The following ACSS3 variants were observed in gnomAD, a reference collection of about 807,000 sequenced individuals.
The protein encoded by ACSS3 is acyl-CoA synthetase short chain family member 3.
In ACSS3, 64 loss-of-function variants were observed where a neutral mutation model predicts 84.2. The observed-to-expected ratio is 0.76, with a 90% CI of 0.62 to 0.94. The LOEUF is 0.94. Among genes scored for constraint, ACSS3 ranks in the 40% least tolerant of loss-of-function variants. The pLI, the probability that ACSS3 is intolerant of heterozygous loss-of-function variation, is 0.00. For synonymous variants in ACSS3, 317 were observed against 310.1 expected, an observed-to-expected ratio of 1.02 and a Z score of -0.23; for missense variants, 815 against 867.6, an observed-to-expected ratio of 0.94 and a Z score of 0.76.
Position 81,087,778 on chromosome 12 carries a change from T to G in ACSS3, c.311+9347T>G, listed in dbSNP as rs189975823. On this transcript the variant is annotated intron_variant, in intron 1 of 15. Transcript: ENST00000548058. ...AACTCTCCCTCCCAACTCTCCCTCC[T>G]TAAGTACAGATGAAATTTGCCACTC... Among the ~76,000 whole-genome samples, 9 of 152,184 alleles carry G rather than the reference T, an allele frequency of 5.9e-5. No homozygotes were observed. In the East Asian group the frequency reaches 1.5e-3, roughly 26 times the overall value.
chr12:81,204,320 T>A (rs1274588432), intron 9 of ACSS3, among the ~76,000 whole-genome samples: 1 of 150,044 alleles, frequency 6.7e-6, no homozygotes, highest in Non-Finnish European at 1.5e-5. Flanking sequence ...TTCCTCCTCT[T>A]CTTCCTTCCT....
intron 9 of ACSS3, among the ~76,000 whole-genome samples, chr12:81,211,788 C>T (rs2032603658): frequency 1.3e-5 from 2 of 152,176 alleles, no homozygotes; most frequent in South Asian, 4.1e-4. Context: ...CATTAGCTTA[C>T]AATGTCACTC....
At chr12:81,151,030 GATTA>G (rs1441821297) in intron 5 of ACSS3, among the ~76,000 whole-genome samples, 2 of 152,068 alleles carry the variant, frequency 1.3e-5, no homozygotes. Context: ...GGCCAATGAT[GATTA>G]ATGTTTTTTA....
rs539747113 is a variant in ACSS3, at chr12:81,235,336, A to G, written c.1719+1865A>G. Among the ~76,000 whole-genome samples the G allele has an allele frequency of 2.0e-5, 3 of 151,326 alleles. No individual in the cohort carries two copies. The South Asian group carries it at 6.2e-4, about 31-fold the overall frequency. On this transcript the variant is annotated intron_variant, in intron 13 of 15. Coordinates refer to ENST00000548058, the MANE Select transcript of ACSS3 (RefSeq NM_024560.4). Reference sequence around the variant, plus strand: ...AATAGATTTTTTTATGTAGATCAATATAATTGATCTACATTATATTTTTAT... The same window carrying G: ...AATAGATTTTTTTATGTAGATCAATGTAATTGATCTACATTATATTTTTAT...
intron 13 of ACSS3, among the ~76,000 whole-genome samples, chr12:81,244,176 G>A (rs899957580): frequency 9.9e-5 from 15 of 151,592 alleles, no homozygotes; most frequent in African/African-American, 2.2e-4. Context: ...TAAATATTTC[G>A]CTCCACTCTC....
chr12:81,110,668 G>C (rs1762639593), intron 2 of ACSS3, among the ~76,000 whole-genome samples: 1 of 152,142 alleles, frequency 6.6e-6, no homozygotes, highest in South Asian at 2.1e-4. Context: ...ACATTTAGCA[G>C]TATCCCTGCC....
At chr12:81,221,346 A>C (rs1323670944) in intron 11 of ACSS3, among the ~76,000 whole-genome samples, 1 of 152,038 alleles carries the variant, frequency 6.6e-6, no homozygotes, top group African/African-American at 2.4e-5. Context: ...TTGCTTTCGT[A>C]TTTATTTCTA....
chr12:81,210,364 C>T (rs978589691), intron 9 of ACSS3, among the ~76,000 whole-genome samples: 3 of 152,152 alleles, frequency 2.0e-5, no homozygotes, highest in Admixed American at 1.3e-4. Flanking sequence ...CCACTCATAA[C>T]TCTTGGATTC....
chr12:81,199,088 T>A (rs925774621), intron 8 of ACSS3, among the ~76,000 whole-genome samples: 2 of 152,196 alleles, frequency 1.3e-5, no homozygotes, highest in Admixed American at 6.5e-5. Flanking sequence ...ACTCAATTGC[T>A]CTTTTATAAA....
At chr12:81,123,693 T>C (rs1047613301) in intron 2 of ACSS3, among the ~76,000 whole-genome samples, 13 of 152,152 alleles carry the variant, frequency 8.5e-5, no homozygotes, top group African/African-American at 2.9e-4. Flanking sequence ...AATGTTTAGA[T>C]CCCACCTACA....
intron 13 of ACSS3, among the ~76,000 whole-genome samples, chr12:81,243,802 A>T (rs149345988): frequency 6.6e-6 from 1 of 152,164 alleles, no homozygotes; most frequent in African/African-American, 2.4e-5. Flanking sequence ...TTGCTAGCAC[A>T]TTAGCATATA....
intron 1 of ACSS3, among the ~76,000 whole-genome samples, chr12:81,102,267 A>G (rs867349932): frequency 9.2e-5 from 14 of 152,276 alleles, no homozygotes; most frequent in East Asian, 3.9e-4. Context: ...AGAGGCAATG[A>G]GAGTAGGATT....
chr12:81,204,352 CCCTT>C (rs2032252135), intron 9 of ACSS3, among the ~76,000 whole-genome samples: 1 of 149,874 alleles, frequency 6.7e-6, no homozygotes, highest in African/African-American at 2.5e-5. Flanking sequence ...TTCCTTCCCT[CCCTT>C]CCTCCCTCCC....
chr12:81,160,165 A>G (rs1240353567), intron 7 of ACSS3, among the ~76,000 whole-genome samples: 1 of 152,226 alleles, frequency 6.6e-6, no homozygotes, highest in Non-Finnish European at 1.5e-5. Context: ...ACTGGTTGGT[A>G]TAATTGGTCT....
intron 7 of ACSS3, among the ~76,000 whole-genome samples, chr12:81,168,319 G>A (rs1020555114): frequency 2.0e-5 from 3 of 152,064 alleles, no homozygotes; most frequent in African/African-American, 7.2e-5. Flanking sequence ...GTTTTGAGAG[G>A]CTTTCATATA....
intron 8 of ACSS3, among the ~76,000 whole-genome samples, chr12:81,194,532 A>G (rs1242197266): frequency 1.3e-5 from 2 of 151,972 alleles, no homozygotes; most frequent in Non-Finnish European, 2.9e-5. Flanking sequence ...AATAAATAGT[A>G]AAGTGATTTT....
At chr12:81,201,710 A>T (rs2032117613) in intron 9 of ACSS3, among the ~76,000 whole-genome samples, 1 of 152,204 alleles carries the variant, frequency 6.6e-6, no homozygotes, top group Non-Finnish European at 1.5e-5. Context: ...TACTAATAAA[A>T]TGAATGATTC....
intron 13 of ACSS3, among the ~76,000 whole-genome samples, chr12:81,245,679 C>G (rs1477418445): frequency 6.6e-6 from 1 of 152,144 alleles, no homozygotes; most frequent in East Asian, 1.9e-4. Context: ...GGTTTCTGCT[C>G]CAATAAATTG....
At chr12:81,171,718 T>G (rs1203302600) in intron 7 of ACSS3, among the ~76,000 whole-genome samples, 2 of 152,170 alleles carry the variant, frequency 1.3e-5, no homozygotes, top group African/African-American at 4.8e-5. Flanking sequence ...ATGATGTAGT[T>G]TTTTTACTAA....
Sources: gnomAD v4.1 joint callset for allele counts (sites outside exome capture counted in the v4.1 genomes callset) on GRCh38, gnomAD v4.1.1 for gene constraint, MANE v1.5 for transcripts, NCBI Gene and HGNC (gene_info 2026-07-23, HGNC 2026-07-21) for gene names.